USH2A: variants seen among roughly 807,000 people sequenced by gnomAD.
The protein encoded by USH2A is usherin.
USH2A carries 443 observed loss-of-function variants against 538.9 expected under a neutral mutation model. The ratio of observed to expected loss-of-function variants is 0.82; its 90% confidence interval spans 0.76 to 0.89. USH2A has a LOEUF of 0.89. USH2A is among the 40% of genes least tolerant of loss of function. The pLI is 0.00. For missense variants in USH2A, 6,633 were observed against 6,324.8 expected, an observed-to-expected ratio of 1.05 and a Z score of -1.65; for synonymous variants, 2,413 against 2,273.5, an observed-to-expected ratio of 1.06 and a Z score of -1.75.
intron 35 of USH2A, among the ~76,000 whole-genome samples, chr1:215,976,984 G>GTTTTT (rs56872387): frequency 8.3e-5 from 12 of 144,452 alleles, no homozygotes; most frequent in Non-Finnish European, 1.4e-4. Flanking sequence ...ACCTGGTCCA[G>GTTTTT]TTTTTTTTTT....
In USH2A at chr1:215,888,989, G is replaced by A; in HGVS notation, c.7660C>T (p.Gln2554Ter). 2 of 1,614,036 alleles carry A rather than the reference G, an allele frequency of 1.2e-6. No individual in the cohort carries two copies. Among genetic ancestry groups the A allele is most frequent in the East Asian group, 4.5e-5 (2 of 44,868 alleles). ...VKSRMMLVTWQHPRKSNGVIT... is the reference protein window; with the variant it reads ...VKSRMMLVTW ...ACCCCATTGGATTTTCTAGGATGCT[G>A]CCAGGTGACCAACATCATTCTTGAC... Residue 2554 changes from glutamine to a stop codon, truncating the protein, a stop_gained, in exon 41 of 72, where the codon CAG becomes TAG. Coordinates refer to ENST00000307340, the MANE Select transcript of USH2A (RefSeq NM_206933.4). LOFTEE classifies it high-confidence loss of function.
intron 15 of USH2A, among the ~76,000 whole-genome samples, chr1:216,215,497 CCCA>C (rs2035325534): frequency 6.6e-6 from 1 of 152,048 alleles, no homozygotes; most frequent in Admixed American, 6.6e-5. Context: ...TCATCCTCAT[CCCA>C]CCATTTACAT....
intron 16 of USH2A, among the ~76,000 whole-genome samples, chr1:216,206,254 C>T (rs1216916492): frequency 6.6e-6 from 1 of 151,996 alleles, no homozygotes; most frequent in Non-Finnish European, 1.5e-5. Flanking sequence ...TGGTATAATT[C>T]TCAGATTATT....
intron 21 of USH2A, among the ~76,000 whole-genome samples, chr1:216,144,581 A>G (rs569570732): frequency 2.8e-4 from 42 of 152,332 alleles, no homozygotes; most frequent in African/African-American, 9.6e-4. Context: ...GCTATAAAAT[A>G]CATTTTGAAA....
At chr1:215,915,718 C>A (rs561128922) in intron 38 of USH2A, among the ~76,000 whole-genome samples, 181 of 151,964 alleles carry the variant, frequency 1.2e-3, no homozygotes, top group Middle Eastern at 3.4e-3. Context: ...AATCATGCTG[C>A]TATAAAGACA....
intron 9 of USH2A, among the ~76,000 whole-genome samples, chr1:216,294,080 T>C (rs1366510687): frequency 6.6e-6 from 1 of 152,210 alleles, no homozygotes; most frequent in Non-Finnish European, 1.5e-5. Context: ...AGGTCTGTTA[T>C]GTACTGGAAC....
intron 58 of USH2A, 47 bp from the exon 59 acceptor site, chr1:215,743,382 A>ATC (rs1206554886): frequency 2.2e-6 from 1 of 448,256 alleles, no homozygotes; most frequent in African/African-American, 3.9e-5. Flanking sequence ...ATATATATAT[A>ATC]TATATGTGTG....
rs374697055 is a variant in USH2A at position 216,325,719 on chromosome 1, A to C, written c.849-120T>G. 3.2e-4 allele frequency: 300 copies of C among 950,300 alleles called. 1 individual carries two copies. The African/African-American group carries it at 4.4e-3, about 14-fold the overall frequency. The allele number at this position is 950,300 out of a possible 1,614,324, so 58.9% of individuals were successfully genotyped here. On this transcript the variant is annotated intron_variant, in intron 5 of 71. Transcript: ENST00000307340. ...TTTCATGAGTATCCATTTAGTTTTA[A>C]TAATTTGATGCATGAAACATAAAAT... is the stretch of plus-strand genomic sequence containing the variant.
intron 32 of USH2A, among the ~76,000 whole-genome samples, chr1:216,014,049 T>C (rs1422887819): frequency 2.0e-5 from 3 of 151,412 alleles, no homozygotes; most frequent in African/African-American, 7.3e-5. Flanking sequence ...GAAGATGAAA[T>C]GTTACTAGTG....
intron 64 of USH2A, among the ~76,000 whole-genome samples, chr1:215,652,066 A>G (rs1657101718): frequency 6.6e-6 from 1 of 152,252 alleles, no homozygotes; most frequent in Non-Finnish European, 1.5e-5. Flanking sequence ...CATTTGCATA[A>G]TAATCACTCA....
chr1:216,222,420 T>G (rs973746984), intron 14 of USH2A, among the ~76,000 whole-genome samples: 6 of 152,198 alleles, frequency 3.9e-5, no homozygotes, highest in African/African-American at 1.2e-4. Flanking sequence ...CAGGTCATAT[T>G]ATGCCCACGC....
At chr1:215,809,879 A>T (rs538699940) in intron 49 of USH2A, among the ~76,000 whole-genome samples, 2 of 152,286 alleles carry the variant, frequency 1.3e-5, no homozygotes, top group Non-Finnish European at 2.9e-5. Context: ...TAGTGACCAG[A>T]TTTAAATCAC....
chr1:216,226,478 C>T (rs903788825), intron 14 of USH2A, among the ~76,000 whole-genome samples: 37 of 152,264 alleles, frequency 2.4e-4, no homozygotes, highest in African/African-American at 7.9e-4. Flanking sequence ...TGGTTAGCCT[C>T]CTCCCTCACG....
chr1:215,626,144 C>T (rs991088141), intron 71 of USH2A, among the ~76,000 whole-genome samples: 3 of 151,440 alleles, frequency 2.0e-5, no homozygotes, highest in Admixed American at 6.6e-5. Context: ...TCAGAAGCCT[C>T]AGTCTACTCA....
chr1:216,415,987 G>C (rs1352391139), intron 3 of USH2A, among the ~76,000 whole-genome samples: 1 of 151,988 alleles, frequency 6.6e-6, no homozygotes, highest in Non-Finnish European at 1.5e-5. Flanking sequence ...CAACAATGGT[G>C]AAACTCCTTC....
rs1638833502 is a variant in USH2A, at chr1:215,766,665, G to A, written c.11047+16C>T. 1 of 1,606,590 alleles carries A rather than the reference G, an allele frequency of 6.2e-7. No homozygotes were observed. Among genetic ancestry groups the A allele is most frequent in the South Asian group, 1.1e-5 (1 of 90,940 alleles). ...TGAAAATTTCTTCCCTCAAACCATG[G>A]ATATTGTTTCATTACCTTCAGGAGC... On this transcript the variant is annotated intron_variant, in intron 56 of 71. Transcript: ENST00000307340.
chr1:215,775,998 A>G (rs1413533773), intron 55 of USH2A, among the ~76,000 whole-genome samples: 1 of 151,532 alleles, frequency 6.6e-6, no homozygotes, highest in Non-Finnish European at 1.5e-5. Flanking sequence ...ACGTTATGCT[A>G]AACAGGACAT....
In USH2A at chr1:216,023,459, CA is replaced by C; in HGVS notation, c.6326-22898del. Among the ~76,000 whole-genome samples, 287 of 46,942 alleles carry C rather than the reference CA, an allele frequency of 6.1e-3. 1 individual carries two copies. The highest frequency in any genetic ancestry group is 8.0e-3 in the Non-Finnish European group (212 of 26,610). The allele number at this position is 46,942 out of a possible 152,430, so 30.8% of individuals were successfully genotyped here. On this transcript the variant is annotated intron_variant, in intron 32 of 71. Transcript: ENST00000307340. ...CCTCTTAAAAACTGTTCAAAGCAGA[CA>C]AAAAAAAAAAAAAAAAAAAAAATCA...
At chr1:215,840,217 G>A (rs1299694675) in intron 46 of USH2A, among the ~76,000 whole-genome samples, 1 of 136,910 alleles carries the variant, frequency 7.3e-6, no homozygotes. Flanking sequence ...AGTGTGTTAT[G>A]TGCTTTAAAA....
Sources: gnomAD v4.1 joint callset for allele counts (sites outside exome capture counted in the v4.1 genomes callset) on GRCh38, gnomAD v4.1.1 for gene constraint, MANE v1.5 for transcripts, NCBI Gene and HGNC (gene_info 2026-07-23, HGNC 2026-07-21) for gene names.